Variants in ZBTB8OS observed in about 807,000 individuals in gnomAD.
ZBTB8OS encodes the protein tRNA splicing ligase complex subunit 1, also known as tRNA-splicing ligase-activating factor archease.
Under a neutral mutation model 29.3 loss-of-function variants are expected in ZBTB8OS, and 16 were observed. The observed-to-expected ratio is 0.55, with a 90% CI of 0.37 to 0.83. The LOEUF (loss-of-function observed/expected upper bound fraction) is 0.83. Among genes scored for constraint, ZBTB8OS ranks in the 40% least tolerant of loss-of-function variants. The pLI is 0.00. For missense variants in ZBTB8OS, 160 were observed against 196.9 expected, an observed-to-expected ratio of 0.81 and a Z score of 1.12; for synonymous variants, 70 against 64.6, an observed-to-expected ratio of 1.08 and a Z score of -0.40.
chr1:32,631,132 G>A (rs12059220), intron 5 of ZBTB8OS, among the ~76,000 whole-genome samples: 1 of 152,060 alleles, frequency 6.6e-6, no homozygotes, highest in African/African-American at 2.4e-5. Flanking sequence ...GAGGCCAGAG[G>A]ACTGCTTGAG....
chr1:32,623,270 T>C (rs1176310265), intron 6 of ZBTB8OS, among the ~76,000 whole-genome samples: 1 of 152,240 alleles, frequency 6.6e-6, no homozygotes, highest in East Asian at 1.9e-4. Flanking sequence ...TGTCTGCTTA[T>C]GGCAGCACAC....
chr1:32,636,329 C>T (rs1407052190), intron 1 of ZBTB8OS, among the ~76,000 whole-genome samples: 1 of 152,198 alleles, frequency 6.6e-6, no homozygotes, highest in Non-Finnish European at 1.5e-5. Context: ...CTGCAATTCC[C>T]CCATCTTGAT....
At chr1:32,633,880 AT>A (rs1645754082) in intron 3 of ZBTB8OS, 70 bp downstream of exon 3, 1 of 1,517,800 alleles carries the variant, frequency 6.6e-7, no homozygotes, top group African/African-American at 1.4e-5. Flanking sequence ...ATATACTCAG[AT>A]TATGTAGAAT....
intron 6 of ZBTB8OS, among the ~76,000 whole-genome samples, chr1:32,623,358 C>A (rs571362310): frequency 2.0e-5 from 3 of 152,216 alleles, no homozygotes; most frequent in South Asian, 2.1e-4. Context: ...TAAAATCTTA[C>A]AATTACCAAT....
chr1:32,634,517 C>T (rs1437674313), intron 2 of ZBTB8OS: 3 of 554,094 alleles, frequency 5.4e-6, no homozygotes. Context: ...TGAGCCACCA[C>T]ACCCGGCCTT....
At chr1:32,624,002 A>G (rs1644926354) in intron 6 of ZBTB8OS, among the ~76,000 whole-genome samples, 1 of 151,984 alleles carries the variant, frequency 6.6e-6, no homozygotes, top group Admixed American at 6.6e-5. Flanking sequence ...AGGAGATCTG[A>G]TGGTTTTCTA....
chr1:32,648,561 C>T lies in ZBTB8OS; in HGVS notation c.97+1872G>A, dbSNP rs191291088. 2.3e-3 allele frequency among the ~76,000 whole-genome samples: 345 copies of T among 152,298 alleles called. 2 individuals are homozygous for T. Among genetic ancestry groups the T allele is most frequent in the African/African-American group, 7.9e-3 (329 of 41,562 alleles). On this transcript the variant is annotated intron_variant, in intron 1 of 6. Coordinates refer to ENST00000468695, the MANE Select transcript of ZBTB8OS (RefSeq NM_178547.5). ...GAAAAAGGTAACGATGACTGCTCTA[C>T]AGAGGGGGACTAGGTAGTTGAGGAT... is the stretch of plus-strand genomic sequence containing the variant.
chr1:32,632,949 G>A (rs777131298), intron 4 of ZBTB8OS, among the ~76,000 whole-genome samples: 5 of 152,218 alleles, frequency 3.3e-5, no homozygotes, highest in Non-Finnish European at 7.4e-5. Flanking sequence ...TCAGTTGATA[G>A]AATGAGTATA....
chr1:32,640,241 C>T (rs1235502896), intron 1 of ZBTB8OS, among the ~76,000 whole-genome samples: 12 of 152,064 alleles, frequency 7.9e-5, no homozygotes, highest in Admixed American at 7.9e-4. Flanking sequence ...GGATTACAGG[C>T]GCACGCCACC....
At chr1:32,648,667 AT>A (rs986702085) in intron 1 of ZBTB8OS, among the ~76,000 whole-genome samples, 1 of 151,582 alleles carries the variant, frequency 6.6e-6, no homozygotes, top group Non-Finnish European at 1.5e-5. Context: ...ATTAAAAATA[AT>A]TTTTTTTTGA....
At chr1:32,646,639 A>G (rs910327605) in intron 1 of ZBTB8OS, among the ~76,000 whole-genome samples, 8 of 151,584 alleles carry the variant, frequency 5.3e-5, no homozygotes, top group African/African-American at 1.5e-4. Flanking sequence ...CCGCCGGCCA[A>G]AAGTTCTATT....
At chr1:32,644,194 T>C (rs1411628111) in intron 1 of ZBTB8OS, among the ~76,000 whole-genome samples, 2 of 152,116 alleles carry the variant, frequency 1.3e-5, no homozygotes, top group Non-Finnish European at 2.9e-5. Flanking sequence ...ATCCGGGGCT[T>C]TGGGCGTTTA....
At chr1:32,646,886 A>T (rs546177917) in intron 1 of ZBTB8OS, among the ~76,000 whole-genome samples, 244 of 149,018 alleles carry the variant, frequency 1.6e-3, no homozygotes, top group Admixed American at 2.7e-3. Context: ...AAAAAAAAAC[A>T]CAAAAATTAG....
At chr1:32,631,702 A>T in intron 5 of ZBTB8OS, 125 bp downstream of exon 5, 1 of 670,592 alleles carries the variant, frequency 1.5e-6, no homozygotes, top group Non-Finnish European at 2.6e-6. Flanking sequence ...CCAAGCCCTT[A>T]GACATCCCAC....
intron 1 of ZBTB8OS, among the ~76,000 whole-genome samples, chr1:32,636,309 T>A (rs889547769): frequency 6.6e-6 from 1 of 152,190 alleles, no homozygotes; most frequent in Non-Finnish European, 1.5e-5. Context: ...CGTAAATTAG[T>A]CTTTTTCCAC....
At chr1:32,647,544 A>G (rs1646951914) in intron 1 of ZBTB8OS, among the ~76,000 whole-genome samples, 2 of 152,148 alleles carry the variant, frequency 1.3e-5, no homozygotes, top group Non-Finnish European at 2.9e-5. Context: ...ACAGCAGGAC[A>G]TGAGCTCACA....
chr1:32,629,255 T>TA (rs548956079), intron 5 of ZBTB8OS, among the ~76,000 whole-genome samples: 20,377 of 146,428 alleles, frequency 0.14, 2,852 homozygotes, highest in African/African-American at 0.35. Flanking sequence ...TACAAAAGAT[T>TA]AAAAAAAAAA....
chr1:32,626,277 A>C (rs1489276567), intron 6 of ZBTB8OS, among the ~76,000 whole-genome samples: 1 of 152,222 alleles, frequency 6.6e-6, no homozygotes, highest in Non-Finnish European at 1.5e-5. Flanking sequence ...GTATAGTAAC[A>C]TGCTGTACAG....
At chr1:32,632,760 C>T (rs529386248) in intron 4 of ZBTB8OS, among the ~76,000 whole-genome samples, 38 of 152,106 alleles carry the variant, frequency 2.5e-4, no homozygotes, top group Non-Finnish European at 4.0e-4. Context: ...TGGTAGAGAA[C>T]TACTCTGGGC....
Sources: gnomAD v4.1 joint callset for allele counts (sites outside exome capture counted in the v4.1 genomes callset) on GRCh38, gnomAD v4.1.1 for gene constraint, MANE v1.5 for transcripts, NCBI Gene and HGNC (gene_info 2026-07-23, HGNC 2026-07-21) for gene names.